The following FER1L6 variants were observed in gnomAD, a reference collection of about 807,000 sequenced individuals.
The protein encoded by FER1L6 is fer-1-like protein 6.
FER1L6 carries 177 observed loss-of-function variants against 219.2 expected under a neutral mutation model. The observed-to-expected ratio is 0.81, with a 90% confidence interval of 0.71 to 0.91. FER1L6 has a LOEUF of 0.91. FER1L6 is among the 40% of genes least tolerant of loss of function. The probability of loss-of-function intolerance (pLI) is 0.00; values close to 1 mark genes in which losing one functional copy is unlikely to be tolerated. For missense variants in FER1L6, 2,153 were observed against 2,259.9 expected, an observed-to-expected ratio of 0.95 and a Z score of 0.96; for synonymous variants, 768 against 824.3, an observed-to-expected ratio of 0.93 and a Z score of 1.17.
At chr8:123,857,634 C>T (rs1338059979) in intron 1 of FER1L6, among the ~76,000 whole-genome samples, 1 of 152,134 alleles carries the variant, frequency 6.6e-6, no homozygotes, top group Non-Finnish European at 1.5e-5. Flanking sequence ...TTCCTATCAC[C>T]CCTCCTGTTC....
At chr8:123,919,289 C>G (rs1050383847) in intron 1 of FER1L6, among the ~76,000 whole-genome samples, 2 of 152,176 alleles carry the variant, frequency 1.3e-5, no homozygotes, top group African/African-American at 4.8e-5. Flanking sequence ...CTTCTCATGC[C>G]TTAGGTTTGC....
chr8:123,922,859 G>A (rs1813412856), intron 1 of FER1L6, among the ~76,000 whole-genome samples: 1 of 152,152 alleles, frequency 6.6e-6, no homozygotes, highest in Non-Finnish European at 1.5e-5. Context: ...AGTAAGCGGT[G>A]GAGCCATGAT....
At chr8:124,057,283 T>C (rs192925414) in intron 22 of FER1L6, among the ~76,000 whole-genome samples, 16 of 152,210 alleles carry the variant, frequency 1.1e-4, no homozygotes, top group Non-Finnish European at 2.4e-4. Context: ...GAAGGTATTA[T>C]TCCATTGTTT....
intron 1 of FER1L6, among the ~76,000 whole-genome samples, chr8:123,890,259 G>A (rs1488613396): frequency 6.6e-6 from 1 of 152,038 alleles, no homozygotes; most frequent in East Asian, 1.9e-4. Context: ...GGTATTGGTG[G>A]ACTTACAGAC....
At chr8:124,022,782 T>C (rs1207460180) in intron 17 of FER1L6, among the ~76,000 whole-genome samples, 1 of 151,528 alleles carries the variant, frequency 6.6e-6, no homozygotes, top group Non-Finnish European at 1.5e-5. Flanking sequence ...GGAAAAAAAA[T>C]CCATGGGAAG....
At chr8:123,858,916 GTTTTAAAAAATGT>G (rs1253247951) in intron 1 of FER1L6, among the ~76,000 whole-genome samples, 4 of 152,276 alleles carry the variant, frequency 2.6e-5, no homozygotes, top group Non-Finnish European at 4.4e-5. Flanking sequence ...AGGTGGTGCT[GTTTTAAAAAATGT>G]TTTTAAAAAA....
intron 10 of FER1L6, 111 bp from the exon 11 acceptor site, chr8:123,980,354 T>C (rs1816267951): frequency 1.1e-6 from 1 of 871,520 alleles, no homozygotes; most frequent in East Asian, 2.6e-5. Context: ...TGGGATATCC[T>C]GTCAATATTT....
chr8:124,059,061 TATGTC>T (rs1820437299), intron 22 of FER1L6: 1 of 152,216 alleles, frequency 6.6e-6, no homozygotes, highest in Admixed American at 6.5e-5. Context: ...TGTGGACTAA[TATGTC>T]AGTCAACCGG....
chr8:124,070,423 G>A lies in FER1L6; in HGVS notation c.3835-44G>A, dbSNP rs370217180. The A allele has an allele frequency of 2.8e-5, 45 of 1,604,316 alleles. No homozygotes were observed. In the African/African-American group the frequency reaches 5.5e-4, roughly 20 times the overall value. On this transcript the variant is annotated intron_variant, in intron 29 of 40. Coordinates refer to ENST00000522917, the MANE Select transcript of FER1L6 (RefSeq NM_001039112.2). ...GGCATTTCTCATTAAATCAATCCTG[G>A]GCTTTCCTTCCTCTTAGCACAATCT...
At chr8:124,050,138 C>A (rs1402356912) in intron 22 of FER1L6, among the ~76,000 whole-genome samples, 2 of 152,306 alleles carry the variant, frequency 1.3e-5, no homozygotes, top group South Asian at 4.2e-4. Flanking sequence ...GTATACCTTT[C>A]ATCACACTAA....
chr8:123,908,557 AC>A (rs1387024627), intron 1 of FER1L6, among the ~76,000 whole-genome samples: 4 of 152,248 alleles, frequency 2.6e-5, no homozygotes, highest in Non-Finnish European at 5.9e-5. Context: ...GTTGGCTTCT[AC>A]TGGAAAGTTT....
chr8:123,944,120 G>A (rs1035412634), intron 1 of FER1L6, among the ~76,000 whole-genome samples: 16 of 151,962 alleles, frequency 1.1e-4, no homozygotes, highest in African/African-American at 3.4e-4. Context: ...GCTGATGGAA[G>A]GATTAAGTGG....
chr8:124,055,981 C>A (rs935977303), intron 22 of FER1L6, among the ~76,000 whole-genome samples: 1 of 152,098 alleles, frequency 6.6e-6, no homozygotes, highest in Non-Finnish European at 1.5e-5. Context: ...CTTTCTCCCC[C>A]GAGCCTCCCG....
At chr8:123,855,852 A>T (rs1281566762) in intron 1 of FER1L6, among the ~76,000 whole-genome samples, 1 of 147,204 alleles carries the variant, frequency 6.8e-6, no homozygotes, top group African/African-American at 2.5e-5. Context: ...CCAGCCCCAT[A>T]TGACCCTAAT....
In FER1L6 at chr8:123,853,983, C is replaced by T. The variant is rs1039509733; in HGVS notation, c.-8+1798C>T. Among the ~76,000 whole-genome samples the T allele has an allele frequency of 3.9e-5, 6 of 152,232 alleles. No individual in the cohort carries two copies. Among genetic ancestry groups the T allele is most frequent in the Admixed American group, 2.0e-4 (3 of 15,296 alleles). ...TGGCTCTCAGGGAAGCATCAGGGAC[C>T]GTGATTAGAAAGTTTACGTCTGAGT... On this transcript the variant is annotated intron_variant, in intron 1 of 40. Transcript: ENST00000522917. This position sits in a 1 kb window ranked among gnomAD's most constrained non-coding sequence, Gnocchi z 6.6.
intron 1 of FER1L6, among the ~76,000 whole-genome samples, chr8:123,868,104 C>T (rs1285298413): frequency 6.6e-6 from 1 of 151,962 alleles, no homozygotes; most frequent in African/African-American, 2.4e-5. Context: ...TTATTCCTTT[C>T]TTCCTTCCCC....
intron 1 of FER1L6, among the ~76,000 whole-genome samples, chr8:123,898,797 A>ATATGTACATATATACG (rs1554613191): frequency 7.0e-6 from 1 of 143,056 alleles, no homozygotes; most frequent in Non-Finnish European, 1.5e-5. Context: ...ACATATATAC[A>ATATGTACATATATACG]TATATACACA....
In FER1L6 at chr8:123,944,638, A is replaced by T. The variant is rs185850445; in HGVS notation, c.-7-11354A>T. ...ATGAGGTAGGTACTATTTGATACCC[A>T]TCTTACAGATGAGGAATTACAAGCA... On this transcript the variant is annotated intron_variant, in intron 1 of 40. Transcript: ENST00000522917. 1.1e-4 allele frequency among the ~76,000 whole-genome samples: 17 copies of T among 152,304 alleles called. No homozygotes were observed. In the East Asian group the frequency reaches 3.1e-3, roughly 28 times the overall value.
intron 14 of FER1L6, among the ~76,000 whole-genome samples, chr8:124,013,168 GAATGGATCTATA>G (rs1818020925): frequency 6.6e-6 from 1 of 152,138 alleles, no homozygotes; most frequent in African/African-American, 2.4e-5. Flanking sequence ...ACCCATTAGG[GAATGGATCTATA>G]ACAGAAACAA....
Sources: allele counts gnomAD v4.1 joint callset (sites outside exome capture counted in the v4.1 genomes callset), GRCh38; gene constraint gnomAD v4.1.1; non-coding constraint Gnocchi (gnomAD v3.1); transcripts MANE v1.5; gene names NCBI Gene and HGNC (gene_info 2026-07-23, HGNC 2026-07-21).